The following PPP1R16B variants were observed in gnomAD, a reference collection of about 807,000 sequenced individuals.
The protein encoded by PPP1R16B is protein phosphatase 1 regulatory subunit 16B.
A neutral mutation model predicts 61.7 loss-of-function variants in PPP1R16B; 14 were observed. That is an observed-to-expected ratio of 0.23 (90% confidence interval 0.15 to 0.35). PPP1R16B has a LOEUF of 0.35. Ranked by LOEUF, PPP1R16B falls within the 10% of genes least tolerant of loss-of-function variation. The pLI, the probability that PPP1R16B is intolerant of heterozygous loss-of-function variation, is 1.00. For synonymous variants in PPP1R16B, 266 were observed against 305.3 expected (o/e 0.87, Z 1.34); for missense variants, 547 against 752.5 (o/e 0.73, Z 3.19).
chr20:38,896,581 CT>C (rs1397990133), intron 4 of PPP1R16B, among the ~76,000 whole-genome samples: 1 of 151,984 alleles, frequency 6.6e-6, no homozygotes, highest in Non-Finnish European at 1.5e-5. Context: ...TTCATTCTCC[CT>C]TTCCCCCCAA....
In PPP1R16B at chr20:38,806,667, C is replaced by A. The variant is rs1056819020; in HGVS notation, c.-102+875C>A. On this transcript the variant is annotated intron_variant, in intron 1 of 10. Coordinates refer to ENST00000299824, the MANE Select transcript of PPP1R16B (RefSeq NM_015568.4). The surrounding 1 kb of genome is among the most constrained non-coding windows in gnomAD (Gnocchi z 4.5). ...CCCGGGTGGAGAGCCGGGAGGCAGG[C>A]GCTCGCTGCCCTCCTCCTTCCCCCA... is the stretch of plus-strand genomic sequence containing the variant. Among the ~76,000 whole-genome samples the A allele has an allele frequency of 6.6e-6, 1 of 152,194 alleles. No individual in the cohort carries two copies. Among genetic ancestry groups the A allele is most frequent in the Non-Finnish European group, 1.5e-5 (1 of 68,022 alleles).
Position 38,918,481 on chromosome 20 carries a change from G to A in PPP1R16B, c.1519G>A (p.Ala507Thr), listed in dbSNP as rs746327206. 6.2e-7 allele frequency: 1 copy of A among 1,612,902 alleles called. No homozygotes were observed. Among genetic ancestry groups the A allele is most frequent in the Admixed American group, 1.7e-5 (1 of 59,950 alleles). The change falls in exon 11 of 11, where the codon GCC (alanine) becomes ACC (threonine). Residue 507 changes from alanine to threonine, a missense_variant. Coordinates refer to ENST00000299824, the MANE Select transcript of PPP1R16B (RefSeq NM_015568.4). This position sits in a 1 kb window ranked among gnomAD's most constrained non-coding sequence, Gnocchi z 5.3. ...FLSTHLGSSM[A>T]RTGESSSEGK... ...TAGCACACACCTGGGCAGCAGCATG[G>A]CCAGGACGGGCGAGAGTAGCAGTGA...
At position 38,921,726 on chromosome 20, in the gene PPP1R16B, C is replaced by T. The variant is rs1364322630; in HGVS notation, c.*3060C>T. The T allele has an allele frequency of 6.6e-6, 1 of 152,230 alleles. No individual in the cohort carries two copies. Among genetic ancestry groups the T allele is most frequent in the Non-Finnish European group, 1.5e-5 (1 of 68,044 alleles). 9.4% of individuals were successfully genotyped at this position (152,230 alleles called of 1,614,324 possible). On this transcript the variant is annotated 3_prime_UTR_variant, in exon 11 of 11. Coordinates refer to ENST00000299824, the MANE Select transcript of PPP1R16B (RefSeq NM_015568.4). Reference sequence around the variant, plus strand: ...TGAGATCAGTGTCTAGAAGACTGTTCTGCAATTTGCTGCCAAATGCATCTC... The same window carrying T: ...TGAGATCAGTGTCTAGAAGACTGTTTTGCAATTTGCTGCCAAATGCATCTC...
chr20:38,817,736 A>G (rs1180535140), intron 1 of PPP1R16B, among the ~76,000 whole-genome samples: 1 of 152,144 alleles, frequency 6.6e-6, no homozygotes, highest in Admixed American at 6.5e-5. Context: ...AAAGAAGGGT[A>G]CTGCCACTCA....
chr20:38,897,052 A>C (rs1296550006), intron 4 of PPP1R16B, among the ~76,000 whole-genome samples: 1 of 152,244 alleles, frequency 6.6e-6, no homozygotes, highest in Non-Finnish European at 1.5e-5. Context: ...AGGCTGAGGC[A>C]GGAGAATCGC....
chr20:38,869,793 G>C lies in PPP1R16B; in HGVS notation c.251-19802G>C, dbSNP rs138429858. 3.4e-3 allele frequency among the ~76,000 whole-genome samples: 520 copies of C among 152,126 alleles called. 10 individuals carry two copies. The highest frequency in any genetic ancestry group is 0.012 in the African/African-American group (487 of 41,480). ...ATGGAATATATTAAAGGGGAAGATA[G>C]GATTCCTTAAGGCAAAAGTGGCAGT... is the stretch of plus-strand genomic sequence containing the variant. On this transcript the variant is annotated intron_variant, in intron 2 of 10. Transcript: ENST00000299824.
In PPP1R16B at chr20:38,876,068, G is replaced by A. The variant is rs550335545; in HGVS notation, c.251-13527G>A. Among the ~76,000 whole-genome samples, 3 of 151,308 alleles carry A rather than the reference G, an allele frequency of 2.0e-5. No homozygotes were observed. The East Asian group carries it at 5.8e-4, about 29-fold the overall frequency. On this transcript the variant is annotated intron_variant, in intron 2 of 10. Coordinates refer to ENST00000299824, the MANE Select transcript of PPP1R16B (RefSeq NM_015568.4). ...AACTCACTGCAACTCCGCCTCCCGG[G>A]TTCGGGCGATTCTCCTGCTTCAGCC... is the stretch of plus-strand genomic sequence containing the variant.
At chr20:38,811,090 G>A (rs2084697615) in intron 1 of PPP1R16B, among the ~76,000 whole-genome samples, 1 of 152,162 alleles carries the variant, frequency 6.6e-6, no homozygotes. Context: ...GGATGTCTCA[G>A]AATCTAGAAT....
chr20:38,916,515 C>T (rs990449058), intron 10 of PPP1R16B, among the ~76,000 whole-genome samples: 1 of 151,560 alleles, frequency 6.6e-6, no homozygotes, highest in Non-Finnish European at 1.5e-5. Context: ...TTTTTGCCAG[C>T]TACAGAGCAT....
intron 10 of PPP1R16B, among the ~76,000 whole-genome samples, chr20:38,910,480 GC>G (rs1370947806): frequency 6.6e-6 from 1 of 151,570 alleles, no homozygotes; most frequent in Non-Finnish European, 1.5e-5. Context: ...TTCGTGTCTG[GC>G]TTTTTTTACA....
intron 2 of PPP1R16B, among the ~76,000 whole-genome samples, chr20:38,851,940 G>A (rs112546383): frequency 4.1e-4 from 62 of 152,310 alleles, no homozygotes; most frequent in Middle Eastern, 3.4e-3. Flanking sequence ...GGCTGAGGCC[G>A]GAGAATTGCT....
chr20:38,829,790 A>G (rs1039806512), intron 1 of PPP1R16B, among the ~76,000 whole-genome samples: 2 of 152,200 alleles, frequency 1.3e-5, no homozygotes, highest in Non-Finnish European at 2.9e-5. Flanking sequence ...TAGACCAAGC[A>G]GGGATTTCTC....
chr20:38,915,372 G>A (rs532374689), intron 10 of PPP1R16B, among the ~76,000 whole-genome samples: 3 of 152,238 alleles, frequency 2.0e-5, no homozygotes, highest in East Asian at 1.9e-4. Context: ...TTCTACTTAC[G>A]CTTCCTCCCC....
At chr20:38,890,653 C>T (rs1190797010) in intron 3 of PPP1R16B, among the ~76,000 whole-genome samples, 1 of 152,248 alleles carries the variant, frequency 6.6e-6, no homozygotes, top group Non-Finnish European at 1.5e-5. Context: ...CCTGAGGGCA[C>T]AGCACATACC....
intron 10 of PPP1R16B, among the ~76,000 whole-genome samples, chr20:38,911,783 C>G (rs1161223875): frequency 6.6e-6 from 1 of 152,144 alleles, no homozygotes; most frequent in Non-Finnish European, 1.5e-5. Context: ...ACGATCCACC[C>G]TCCTCGGCCT....
At chr20:38,842,725 G>C (rs1352070970) in intron 2 of PPP1R16B, among the ~76,000 whole-genome samples, 1 of 150,940 alleles carries the variant, frequency 6.6e-6, no homozygotes, top group African/African-American at 2.4e-5. Flanking sequence ...CTGGACACCT[G>C]GGCCTTGCCA....
At chr20:38,853,549 ACCACAAAAGTAGTAACGGCAGT>A (rs2084983149) in intron 2 of PPP1R16B, among the ~76,000 whole-genome samples, 2 of 152,260 alleles carry the variant, frequency 1.3e-5, no homozygotes, top group Non-Finnish European at 1.5e-5. Context: ...TTTCCTGGGC[ACCACAAAAGTAGTAACGGCAGT>A]CCTCCAGGTG....
intron 6 of PPP1R16B, among the ~76,000 whole-genome samples, chr20:38,904,964 A>G (rs1384613777): frequency 6.6e-6 from 1 of 152,076 alleles, no homozygotes; most frequent in African/African-American, 2.4e-5. Flanking sequence ...TGAATCCCTT[A>G]CTGAGTGTTC....
chr20:38,829,001 G>C (rs2145715203), intron 1 of PPP1R16B, among the ~76,000 whole-genome samples: 1 of 152,338 alleles, frequency 6.6e-6, no homozygotes, highest in East Asian at 1.9e-4. Context: ...GAAGGCGGGG[G>C]TGTACCCTGC....
Sources: gnomAD v4.1 joint callset for allele counts (sites outside exome capture counted in the v4.1 genomes callset) on GRCh38, gnomAD v4.1.1 for gene constraint, Gnocchi (gnomAD v3.1) non-coding constraint, MANE v1.5 for transcripts, NCBI Gene and HGNC (gene_info 2026-07-23, HGNC 2026-07-21) for gene names.